The following TTLL11 variants were observed in gnomAD, a reference collection of about 807,000 sequenced individuals.
TTLL11 encodes tubulin tyrosine ligase like 11.
TTLL11 carries 42 observed loss-of-function variants against 51.7 expected under a neutral mutation model. The ratio of observed to expected loss-of-function variants is 0.81; its 90% confidence interval spans 0.64 to 1.05. The LOEUF (loss-of-function observed/expected upper bound fraction) is 1.05. Ranked by LOEUF, TTLL11 falls within the 50% of genes least tolerant of loss-of-function variation. TTLL11 has a pLI of 0.00. For missense variants in TTLL11, 799 were observed against 940.4 expected, an observed-to-expected ratio of 0.85 and a Z score of 1.97; for synonymous variants, 381 against 383.5, an observed-to-expected ratio of 0.99 and a Z score of 0.08.
At chr9:121,855,434 T>G (rs576467263) in intron 8 of TTLL11, among the ~76,000 whole-genome samples, 42 of 152,236 alleles carry the variant, frequency 2.8e-4, no homozygotes, top group Non-Finnish European at 4.8e-4. Context: ...TTTTTTCTTC[T>G]CCATTTCAAT....
chr9:121,994,553 T>C (rs911095233), intron 3 of TTLL11, among the ~76,000 whole-genome samples: 1 of 152,038 alleles, frequency 6.6e-6, no homozygotes, highest in African/African-American at 2.4e-5. Flanking sequence ...AGCCAATAGG[T>C]CACAAAGGCA....
At chr9:121,871,003 C>A (rs1838338852) in intron 6 of TTLL11, among the ~76,000 whole-genome samples, 1 of 152,154 alleles carries the variant, frequency 6.6e-6, no homozygotes, top group Non-Finnish European at 1.5e-5. Flanking sequence ...AGTATGAAAA[C>A]TTTCCTTTAC....
chr9:121,950,006 G>A (rs888314548), intron 6 of TTLL11, among the ~76,000 whole-genome samples: 3 of 152,028 alleles, frequency 2.0e-5, no homozygotes, highest in Non-Finnish European at 2.9e-5. Flanking sequence ...TCCCTGGCTT[G>A]GTGGAGGTTA....
chr9:121,891,254 A>G (rs1427930582), intron 6 of TTLL11, among the ~76,000 whole-genome samples: 1 of 152,222 alleles, frequency 6.6e-6, no homozygotes, highest in East Asian at 1.9e-4. Context: ...TATCTACTGA[A>G]AAACACGAGC....
intron 1 of TTLL11, among the ~76,000 whole-genome samples, chr9:122,080,839 C>A (rs1413995704): frequency 1.3e-5 from 2 of 151,786 alleles, no homozygotes; most frequent in Non-Finnish European, 2.9e-5. Context: ...AAATATTTTG[C>A]AGCAATTAAA....
At chr9:121,985,816 G>A (rs1330605992) in intron 4 of TTLL11, among the ~76,000 whole-genome samples, 1 of 152,072 alleles carries the variant, frequency 6.6e-6, no homozygotes, top group Non-Finnish European at 1.5e-5. Flanking sequence ...CACCGCGCCC[G>A]GCCCAAGGAT....
At chr9:122,043,580 T>C (rs1268260565) in intron 1 of TTLL11, among the ~76,000 whole-genome samples, 1 of 151,928 alleles carries the variant, frequency 6.6e-6, no homozygotes, top group African/African-American at 2.4e-5. Context: ...ACAGAAAATA[T>C]AGGAGAAAAG....
At chr9:121,882,283 T>C (rs7854982) in intron 6 of TTLL11, among the ~76,000 whole-genome samples, 74,957 of 152,012 alleles carry the variant, frequency 0.49, 19,113 homozygotes, top group East Asian at 0.84. Context: ...AAGACTGTAG[T>C]CAGCGCCCTG....
intron 6 of TTLL11, among the ~76,000 whole-genome samples, chr9:121,926,518 G>C (rs771704226): frequency 6.6e-6 from 1 of 152,216 alleles, no homozygotes; most frequent in East Asian, 1.9e-4. Context: ...GGCTGAGGAC[G>C]GCACAGCCCT....
At chr9:122,074,277 T>TAAA (rs201390866) in intron 1 of TTLL11, among the ~76,000 whole-genome samples, 2 of 133,558 alleles carry the variant, frequency 1.5e-5, no homozygotes, top group African/African-American at 5.4e-5. Context: ...TCATCTCAAT[T>TAAA]AAAAAAAAAA....
intron 6 of TTLL11, among the ~76,000 whole-genome samples, chr9:121,961,162 C>T (rs142856506): frequency 2.6e-5 from 4 of 152,256 alleles, no homozygotes; most frequent in East Asian, 1.9e-4. Context: ...TCCATCCTCA[C>T]GGTCGAAGAT....
chr9:121,854,119 C>T (rs1216435677), intron 8 of TTLL11, among the ~76,000 whole-genome samples: 8 of 152,120 alleles, frequency 5.3e-5, no homozygotes, highest in Non-Finnish European at 1.0e-4. Flanking sequence ...TGCCTAACTT[C>T]CCTGAGGTTA....
chr9:121,896,124 G>A (rs909104908), intron 6 of TTLL11, among the ~76,000 whole-genome samples: 1 of 152,034 alleles, frequency 6.6e-6, no homozygotes, highest in Non-Finnish European at 1.5e-5. Context: ...GAGTGTGTGT[G>A]CTCCGCCATC....
At chr9:121,941,045 A>T (rs1564316829) in intron 6 of TTLL11, among the ~76,000 whole-genome samples, 1 of 151,976 alleles carries the variant, frequency 6.6e-6, no homozygotes, top group Non-Finnish European at 1.5e-5. Context: ...GTTCACATCC[A>T]TTTTTCTCCA....
At chr9:121,911,881 G>T (rs1431315219) in intron 6 of TTLL11, among the ~76,000 whole-genome samples, 2 of 151,990 alleles carry the variant, frequency 1.3e-5, no homozygotes, top group Non-Finnish European at 1.5e-5. Context: ...GTATACCTAT[G>T]TAACAAACCT....
intron 6 of TTLL11, among the ~76,000 whole-genome samples, chr9:121,935,524 G>A (rs2131564471): frequency 6.6e-6 from 1 of 152,218 alleles, no homozygotes; most frequent in South Asian, 2.1e-4. Flanking sequence ...TTCTCCTGTG[G>A]GGAAATGAAA....
At chr9:121,902,649 T>C (rs1267557905) in intron 6 of TTLL11, among the ~76,000 whole-genome samples, 2 of 152,152 alleles carry the variant, frequency 1.3e-5, no homozygotes, top group Non-Finnish European at 2.9e-5. Flanking sequence ...ACTCTCCTTT[T>C]TCGTGCCTGT....
intron 6 of TTLL11, among the ~76,000 whole-genome samples, chr9:121,878,408 C>T (rs1210402131): frequency 6.6e-6 from 1 of 152,190 alleles, no homozygotes; most frequent in African/African-American, 2.4e-5. Context: ...CCAAGAATTG[C>T]TGACATGTAA....
chr9:121,987,250 A>G (rs1349688130), intron 4 of TTLL11, among the ~76,000 whole-genome samples: 2 of 152,142 alleles, frequency 1.3e-5, no homozygotes, highest in Non-Finnish European at 2.9e-5. Flanking sequence ...GTTTGAGATA[A>G]TCATTTTGTT....
Sources: allele counts gnomAD v4.1 joint callset (sites outside exome capture counted in the v4.1 genomes callset), GRCh38; gene constraint gnomAD v4.1.1; transcripts MANE v1.5; gene names NCBI Gene and HGNC (gene_info 2026-07-23, HGNC 2026-07-21).